Variants in CDRT4 observed in about 807,000 individuals in gnomAD.
The protein encoded by CDRT4 is CMT1A duplicated region transcript 4.
For synonymous variants in CDRT4, 64 were observed against 69.6 expected (o/e 0.92, Z 0.40); for missense variants, 167 against 193.1 (o/e 0.87, Z 0.80).
intron 1 of CDRT4, among the ~76,000 whole-genome samples, chr17:15,455,760 C>T (rs1455756343): frequency 6.6e-6 from 1 of 152,188 alleles, no homozygotes; most frequent in African/African-American, 2.4e-5. Context: ...CTGTGAGGAG[C>T]TTAATCTTGC....
intron 1 of CDRT4, among the ~76,000 whole-genome samples, chr17:15,460,446 T>A (rs1567614273): frequency 6.6e-6 from 1 of 152,238 alleles, no homozygotes; most frequent in Non-Finnish European, 1.5e-5. Context: ...TTATGTTTTA[T>A]ACTTATTAAC....
At chr17:15,461,306 C>G (rs1979737543) in intron 1 of CDRT4, among the ~76,000 whole-genome samples, 1 of 152,232 alleles carries the variant, frequency 6.6e-6, no homozygotes, top group African/African-American at 2.4e-5. Context: ...GCGAAGGCAG[C>G]AGAATCCCTG....
In CDRT4 at chr17:15,453,469, T is replaced by C. The variant is rs8082540; in HGVS notation, c.-129-384A>G. Among the ~76,000 whole-genome samples the C allele has an allele frequency of 6.8e-3, 1,031 of 152,330 alleles. 18 individuals are homozygous for C. The highest frequency in any genetic ancestry group is 0.024 in the African/African-American group (987 of 41,568). On this transcript the variant is annotated intron_variant, in intron 1 of 3. Coordinates refer to ENST00000619038, the MANE Select transcript of CDRT4 (RefSeq NM_001204477.2). ...AGGGTTTTAATGTGTCTTCTTGGCA[T>C]GGTGGAGGGATGTGTCAAATACTTT...
chr17:15,451,259 C>T (rs1979249388), intron 2 of CDRT4, among the ~76,000 whole-genome samples: 1 of 152,194 alleles, frequency 6.6e-6, no homozygotes, highest in African/African-American at 2.4e-5. Context: ...TTTGCTTCTC[C>T]TTCACCTTCC....
chr17:15,440,608 G>GA (rs894678352), intron 2 of CDRT4, among the ~76,000 whole-genome samples: 169 of 147,560 alleles, frequency 1.1e-3, no homozygotes, highest in East Asian at 9.1e-3. Flanking sequence ...GAGGGGAAGT[G>GA]AAAAAAAAAA....
intron 1 of CDRT4, among the ~76,000 whole-genome samples, chr17:15,457,273 C>T (rs1979529466): frequency 6.6e-6 from 1 of 152,212 alleles, no homozygotes; most frequent in African/African-American, 2.4e-5. Context: ...TGGGTTTGTA[C>T]TCACCAAGAA....
chr17:15,443,679 A>G, intron 2 of CDRT4: 1 of 417,034 alleles, frequency 2.4e-6, no homozygotes, highest in Admixed American at 3.1e-5. Flanking sequence ...AACATTCTAG[A>G]AAATGTCAAC....
chr17:15,457,205 G>T (rs1979525865), intron 1 of CDRT4, among the ~76,000 whole-genome samples: 1 of 152,186 alleles, frequency 6.6e-6, no homozygotes, highest in Admixed American at 6.5e-5. Flanking sequence ...CCCAGGAAAT[G>T]GAATGTACTG....
chr17:15,454,668 T>C (rs1289330122), intron 1 of CDRT4, among the ~76,000 whole-genome samples: 1 of 152,162 alleles, frequency 6.6e-6, no homozygotes, highest in Non-Finnish European at 1.5e-5. Context: ...CCAAGAAGTC[T>C]CGCCAGATTC....
rs138933802 is a variant in CDRT4 at position 15,460,941 on chromosome 17, C to T, written c.-130+6519G>A. On this transcript the variant is annotated intron_variant, in intron 1 of 3. Coordinates refer to ENST00000619038, the MANE Select transcript of CDRT4 (RefSeq NM_001204477.2). ...GTCCTCCTGTCAGTCCTCAAACTCA[C>T]CAAACTCCAACCATTCCCTCCCTCC... is the stretch of plus-strand genomic sequence containing the variant. 6.0e-3 allele frequency among the ~76,000 whole-genome samples: 914 copies of T among 151,804 alleles called. 4 individuals carry two copies. Among genetic ancestry groups the T allele is most frequent in the Non-Finnish European group, 0.011 (734 of 67,928 alleles).
In CDRT4 at chr17:15,438,174, G is replaced by C; in HGVS notation, c.58C>G (p.Arg20Gly). 1.2e-6 allele frequency: 2 copies of C among 1,613,894 alleles called. No individual in the cohort carries two copies. Among genetic ancestry groups the C allele is most frequent in the South Asian group, 2.2e-5 (2 of 91,068 alleles). Residue 20 changes from arginine (R) to glycine (G), a missense_variant, in exon 4 of 4, where the codon CGG becomes GGG. Coordinates refer to ENST00000619038, the MANE Select transcript of CDRT4 (RefSeq NM_001204477.2). ...GGGTCATGTTTTTCAAGTAGCTTCC[G>C]GGGAAGTCCAGTGTTTTCTGTGAGT... ...EGLTENTGLP[R>G]KLLEKHDPWP...
At chr17:15,462,707 T>C (rs1175154563) in intron 1 of CDRT4, among the ~76,000 whole-genome samples, 1 of 152,158 alleles carries the variant, frequency 6.6e-6, no homozygotes, top group Non-Finnish European at 1.5e-5. Context: ...TCGATTTACA[T>C]AAAGTTCAAA....
At chr17:15,444,588 C>T (rs1267171009) in intron 2 of CDRT4, among the ~76,000 whole-genome samples, 2 of 152,144 alleles carry the variant, frequency 1.3e-5, no homozygotes, top group Non-Finnish European at 2.9e-5. Flanking sequence ...CGCGGTGGCT[C>T]ACACTGTAAT....
At chr17:15,439,069 T>A in intron 3 of CDRT4, 1 of 455,424 alleles carries the variant, frequency 2.2e-6, no homozygotes. Flanking sequence ...ATCATGGGCA[T>A]GTCAGTCCTT....
chr17:15,446,398 T>C (rs1979028844), intron 2 of CDRT4, among the ~76,000 whole-genome samples: 1 of 152,018 alleles, frequency 6.6e-6, no homozygotes, highest in South Asian at 2.1e-4. Flanking sequence ...GTGCCTTTAG[T>C]GACACAGACA....
rs149466385 is a variant in CDRT4 at position 15,466,522 on chromosome 17, A to G, written c.-130+938T>C. Among the ~76,000 whole-genome samples the G allele has an allele frequency of 8.7e-4, 133 of 152,206 alleles. 1 individual carries two copies. The highest frequency in any genetic ancestry group is 3.9e-3 in the Admixed American group (59 of 15,294). ...TGTCTTTTATTCCTTGTTCTAAATT[A>G]CTTTTTTTAATTTTTACTTTTATAG... is the stretch of plus-strand genomic sequence containing the variant. On this transcript the variant is annotated intron_variant, in intron 1 of 3. Transcript: ENST00000619038.
chr17:15,460,541 C>G (rs1392153047), intron 1 of CDRT4, among the ~76,000 whole-genome samples: 5 of 152,176 alleles, frequency 3.3e-5, no homozygotes, highest in Admixed American at 1.3e-4. Context: ...TATAAATGTT[C>G]AGTGACTTCC....
chr17:15,456,427 A>G (rs1443771080), intron 1 of CDRT4, among the ~76,000 whole-genome samples: 1 of 152,198 alleles, frequency 6.6e-6, no homozygotes, highest in African/African-American at 2.4e-5. Flanking sequence ...TCTTGGCACC[A>G]AAATGACTTT....
At chr17:15,460,516 G>C (rs1332286015) in intron 1 of CDRT4, among the ~76,000 whole-genome samples, 1 of 152,136 alleles carries the variant, frequency 6.6e-6, no homozygotes, top group Non-Finnish European at 1.5e-5. Context: ...TCTTACAGAG[G>C]GTAAAATTGA....
Sources: gnomAD v4.1 joint callset for allele counts (sites outside exome capture counted in the v4.1 genomes callset) on GRCh38, gnomAD v4.1.1 for gene constraint, MANE v1.5 for transcripts, NCBI Gene and HGNC (gene_info 2026-07-23, HGNC 2026-07-21) for gene names.